Variants in PCDHGA5 observed in about 807,000 individuals in gnomAD.
The protein encoded by PCDHGA5 is protocadherin gamma-A5.
PCDHGA5 carries 36 observed loss-of-function variants against 56.7 expected under a neutral mutation model. The observed-to-expected ratio is 0.64, with a 90% CI of 0.49 to 0.84. The LOEUF (loss-of-function observed/expected upper bound fraction) is 0.84. PCDHGA5 is among the 40% of genes least tolerant of loss of function. The pLI is 0.00. For missense variants in PCDHGA5, 1,305 were observed against 1,201.5 expected (o/e 1.09, Z -1.27); for synonymous variants, 563 against 520.2 (o/e 1.08, Z -1.12).
chr5:141,407,505 T>TTTTTTTTTTTTTTTTTGAGACGG (rs1460306566), intron 1 of PCDHGA5, among the ~76,000 whole-genome samples: 2 of 152,146 alleles, frequency 1.3e-5, no homozygotes, highest in African/African-American at 4.8e-5. Flanking sequence ...CTGTTTTTCT[T>TTTTTTTTTTTTTTTTTGAGACGG]AGGCTATGTA....
intron 1 of PCDHGA5, chr5:141,478,259 T>G: frequency 6.2e-7 from 1 of 1,614,182 alleles, no homozygotes. Context: ...AGTAATCATA[T>G]TCAAAGTTTA....
intron 1 of PCDHGA5, chr5:141,403,431 C>T: frequency 6.2e-7 from 1 of 1,614,028 alleles, no homozygotes; most frequent in Non-Finnish European, 8.5e-7. Context: ...GCTATTGATC[C>T]GGATGTTGGC....
intron 1 of PCDHGA5, chr5:141,390,048 T>C (rs1307418187): frequency 1.2e-6 from 2 of 1,613,948 alleles, no homozygotes; most frequent in African/African-American, 1.3e-5. Context: ...CCCCGCCTCC[T>C]GGAGCTGCTT....
chr5:141,398,932 C>T (rs554339110), intron 1 of PCDHGA5: 1 of 1,613,900 alleles, frequency 6.2e-7, no homozygotes, highest in Non-Finnish European at 8.5e-7. Context: ...AGCCACTGAC[C>T]AAGACGAGGG....
At chr5:141,377,829 C>T (rs970459356) in intron 1 of PCDHGA5, 2 of 152,110 alleles carry the variant, frequency 1.3e-5, no homozygotes, top group South Asian at 2.1e-4. Context: ...CAGTTACAAT[C>T]GCCATTATCT....
chr5:141,419,465 G>T, intron 1 of PCDHGA5: 2 of 1,612,542 alleles, frequency 1.2e-6, no homozygotes, highest in Non-Finnish European at 1.7e-6. Context: ...GCAGGCCCGC[G>T]ACCAGGGCTC....
chr5:141,418,299 G>C lies in PCDHGA5; in HGVS notation c.2421+51548G>C, dbSNP rs767901461. 5 of 1,614,046 alleles carry C rather than the reference G, an allele frequency of 3.1e-6. No individual in the cohort carries two copies. In the Admixed American group the frequency reaches 8.3e-5, roughly 27 times the overall value. On this transcript the variant is annotated intron_variant, in intron 1 of 3. Coordinates refer to ENST00000518069, the MANE Select transcript of PCDHGA5 (RefSeq NM_018918.3). ...AACTTAGAAATCAGTGAATCCGTCA[G>C]CCTGGGGATGGGAACAATTCTTGAG...
At position 141,455,318 on chromosome 5, in the gene PCDHGA5, G is replaced by A. The variant is rs534507768; in HGVS notation, c.2422-39489G>A. On this transcript the variant is annotated intron_variant, in intron 1 of 3. Transcript: ENST00000518069. ...TTTCATCTTGCATTAGCAATTTTGT[G>A]TGTGTGTTTGTGGTTTTAAGGAGCG... is the stretch of plus-strand genomic sequence containing the variant. Among the ~76,000 whole-genome samples the A allele has an allele frequency of 2.4e-4, 37 of 152,186 alleles. No individual in the cohort carries two copies. The South Asian group carries it at 5.6e-3, about 23-fold the overall frequency.
chr5:141,487,811 A>C lies in PCDHGA5; in HGVS notation c.2422-6996A>C, dbSNP rs1389081995. 2 of 1,414,662 alleles carry C rather than the reference A, an allele frequency of 1.4e-6. No homozygotes were observed. The highest frequency in any genetic ancestry group is 1.9e-6 in the Non-Finnish European group (2 of 1,041,698). The allele number at this position is 1,414,662 out of a possible 1,614,324, so 87.6% of individuals were successfully genotyped here. On this transcript the variant is annotated intron_variant, in intron 1 of 3. Coordinates refer to ENST00000518069, the MANE Select transcript of PCDHGA5 (RefSeq NM_018918.3). This position sits in a 1 kb window ranked among gnomAD's most constrained non-coding sequence, Gnocchi z 5.0. ...TTAACCAGAGTTGTCACAGTTTAGC[A>C]TTGGGGGCGGGTCATGCCTATATCT...
At chr5:141,414,334 AC>A (rs1187631098) in intron 1 of PCDHGA5, 2 of 1,613,782 alleles carry the variant, frequency 1.2e-6, no homozygotes, top group South Asian at 2.2e-5. Context: ...TGGACAGGTA[AC>A]CTGTTCCATT....
At chr5:141,452,412 T>G (rs1009940351) in intron 1 of PCDHGA5, among the ~76,000 whole-genome samples, 2 of 152,222 alleles carry the variant, frequency 1.3e-5, no homozygotes, top group Non-Finnish European at 2.9e-5. Context: ...GTGTGAGGTA[T>G]GCTCACTGCT....
intron 1 of PCDHGA5, chr5:141,423,206 C>A: frequency 6.2e-7 from 1 of 1,613,668 alleles, no homozygotes. Context: ...GCCACCGTCA[C>A]GCTCACCGTG....
intron 1 of PCDHGA5, among the ~76,000 whole-genome samples, chr5:141,426,030 G>A (rs966664613): frequency 1.3e-5 from 2 of 152,168 alleles, no homozygotes; most frequent in Admixed American, 6.5e-5. Context: ...AATAGACTCA[G>A]AGCCCTGCTG....
chr5:141,402,944 G>A (rs1487270083), intron 1 of PCDHGA5: 2 of 1,592,136 alleles, frequency 1.3e-6, no homozygotes, highest in Non-Finnish European at 1.7e-6. Context: ...ATTCCAAAGC[G>A]AGGCAGCAAT....
chr5:141,504,786 C>T (rs568185327), intron 2 of PCDHGA5, among the ~76,000 whole-genome samples: 1 of 152,132 alleles, frequency 6.6e-6, no homozygotes, highest in Non-Finnish European at 1.5e-5. Flanking sequence ...TCTCTTGGGG[C>T]CTCCTACATC....
rs1423639578 is a variant in PCDHGA5, at chr5:141,383,107, G to T, written c.2421+16356G>T. The T allele has an allele frequency of 3.1e-6, 5 of 1,613,914 alleles. No individual in the cohort carries two copies. In the East Asian group the frequency reaches 6.7e-5, roughly 22 times the overall value. Reference sequence around the variant, plus strand: ...GCGCGGAGTCCGCATCATCTCCAGAGGTAGGACGCAGCTTTTCGCCCTGAA... The same window carrying T: ...GCGCGGAGTCCGCATCATCTCCAGATGTAGGACGCAGCTTTTCGCCCTGAA... On this transcript the variant is annotated intron_variant, in intron 1 of 3. Coordinates refer to ENST00000518069, the MANE Select transcript of PCDHGA5 (RefSeq NM_018918.3).
chr5:141,389,124 C>A, intron 1 of PCDHGA5: 1 of 1,613,996 alleles, frequency 6.2e-7, no homozygotes, highest in Non-Finnish European at 8.5e-7. Flanking sequence ...CGAGCAGAAT[C>A]CAGAGTACAA....
chr5:141,370,530 C>T (rs1302599880), intron 1 of PCDHGA5: 2 of 1,613,800 alleles, frequency 1.2e-6, no homozygotes, highest in Non-Finnish European at 1.7e-6. Flanking sequence ...CAGGGGCTCG[C>T]TGGTAGGGAA....
chr5:141,423,906 G>A (rs2096789586), intron 1 of PCDHGA5: 17 of 1,272,396 alleles, frequency 1.3e-5, no homozygotes, highest in Non-Finnish European at 1.7e-5. Context: ...ATTTCAAAGG[G>A]GCCATTCAAC....
Sources: gnomAD v4.1 joint callset for allele counts (sites outside exome capture counted in the v4.1 genomes callset) on GRCh38, gnomAD v4.1.1 for gene constraint, Gnocchi (gnomAD v3.1) non-coding constraint, MANE v1.5 for transcripts, NCBI Gene and HGNC (gene_info 2026-07-23, HGNC 2026-07-21) for gene names.